SLC5A11: variants seen among roughly 807,000 people sequenced by gnomAD.
The protein encoded by SLC5A11 is sodium/myo-inositol cotransporter 2.
Under a neutral mutation model 69.8 loss-of-function variants are expected in SLC5A11, and 48 were observed. The ratio of observed to expected loss-of-function variants is 0.69; its 90% CI spans 0.55 to 0.87. The LOEUF (loss-of-function observed/expected upper bound fraction) is 0.87. Ranked by LOEUF, SLC5A11 falls within the 40% of genes least tolerant of loss-of-function variation. The probability of loss-of-function intolerance (pLI) is 0.00; values close to 1 mark genes in which losing one functional copy is unlikely to be tolerated. For missense variants in SLC5A11, 784 were observed against 866.1 expected (o/e 0.91, Z 1.19); for synonymous variants, 319 against 342.4 (o/e 0.93, Z 0.75).
chr16:24,894,299 C>A (rs2049004151), intron 9 of SLC5A11, among the ~76,000 whole-genome samples: 1 of 152,200 alleles, frequency 6.6e-6, no homozygotes, highest in African/African-American at 2.4e-5. Flanking sequence ...TCCACCATGA[C>A]AGCTCTCCCT....
At chr16:24,904,201 T>C (rs372500441) in intron 10 of SLC5A11, among the ~76,000 whole-genome samples, 8 of 152,260 alleles carry the variant, frequency 5.3e-5, no homozygotes, top group African/African-American at 1.4e-4. Flanking sequence ...CCTTGACATG[T>C]GGAGATTACA....
chr16:24,869,263 C>T (rs1597068450), intron 3 of SLC5A11, among the ~76,000 whole-genome samples: 1 of 152,064 alleles, frequency 6.6e-6, no homozygotes, highest in Admixed American at 6.6e-5. Context: ...CACTCCCTCA[C>T]CCCCAGCACA....
intron 8 of SLC5A11, among the ~76,000 whole-genome samples, chr16:24,889,945 T>A (rs1222381446): frequency 3.9e-5 from 6 of 152,140 alleles, no homozygotes; most frequent in African/African-American, 1.4e-4. Context: ...ATCCTATGTA[T>A]TTTTGCATTA....
At chr16:24,884,009 C>G in intron 7 of SLC5A11, 42 bp from the exon 9 acceptor site, 1 of 1,592,316 alleles carries the variant, frequency 6.3e-7, no homozygotes, top group African/African-American at 1.3e-5. Context: ...AACCCCTTCT[C>G]GTTAGACTCC....
At chr16:24,858,083 T>C (rs2059609869) in intron 1 of SLC5A11, among the ~76,000 whole-genome samples, 1 of 152,196 alleles carries the variant, frequency 6.6e-6, no homozygotes, top group Non-Finnish European at 1.5e-5. Flanking sequence ...ATGATAACAA[T>C]AGTGCCCACT....
At chr16:24,858,440 A>ATGAATGAG (rs2059624271) in intron 1 of SLC5A11, among the ~76,000 whole-genome samples, 180 bp from the exon 3 acceptor site, 1 of 152,146 alleles carries the variant, frequency 6.6e-6, no homozygotes, top group Non-Finnish European at 1.5e-5. Flanking sequence ...GAATGAATGA[A>ATGAATGAG]TGAGTGAGTG....
chr16:24,872,333 G>C, intron 5 of SLC5A11, 114 bp downstream of exon 6: 1 of 1,256,044 alleles, frequency 8.0e-7, no homozygotes, highest in Non-Finnish European at 1.2e-6. Flanking sequence ...TCATGTATTC[G>C]ATTGCCACTC....
chr16:24,886,626 CGAT>C (rs1266656109), intron 8 of SLC5A11, among the ~76,000 whole-genome samples: 8 of 152,042 alleles, frequency 5.3e-5, no homozygotes, highest in African/African-American at 1.9e-4. Context: ...TAGGCAAAAT[CGAT>C]GAACAAGATC....
In SLC5A11 at chr16:24,910,415, C is replaced by CCAG. The variant is rs140499762; in HGVS notation, c.1774_1776dup (p.Ser592dup). 1,659 of 1,613,694 alleles carry CCAG rather than the reference C, an allele frequency of 1.0e-3. 4 individuals are homozygous for CCAG. Among genetic ancestry groups the CCAG allele is most frequent in the Non-Finnish European group, 1.1e-3 (1,342 of 1,179,780 alleles). On this transcript the variant is annotated inframe_insertion, in exon 15 of 16. Coordinates refer to ENST00000347898, the Ensembl canonical transcript of SLC5A11. The stretch of plus-strand genomic sequence containing the variant: ...CTCTCTCAGAACGGGATGCCAGAGG[C>CCAG]CAGCAGCAGCAGCAGCGTCCAGTTC...
At chr16:24,905,502 G>T (rs1409112769) in intron 10 of SLC5A11, among the ~76,000 whole-genome samples, 1 of 151,950 alleles carries the variant, frequency 6.6e-6, no homozygotes, top group East Asian at 1.9e-4. Context: ...AGCTGGGTGT[G>T]ATGGTACATG....
intron 1 of SLC5A11, among the ~76,000 whole-genome samples, chr16:24,858,026 A>T (rs1264142580): frequency 6.6e-6 from 1 of 152,108 alleles, no homozygotes; most frequent in Non-Finnish European, 1.5e-5. Context: ...CACTTACTTA[A>T]CTTTTCTGTG....
intron 1 of SLC5A11, among the ~76,000 whole-genome samples, chr16:24,856,961 C>T (rs1271580223): frequency 6.6e-6 from 1 of 151,986 alleles, no homozygotes; most frequent in Non-Finnish European, 1.5e-5. Flanking sequence ...GCTGGGACTA[C>T]AGGCATGCGC....
chr16:24,869,572 C>A (rs2047142136), intron 3 of SLC5A11, among the ~76,000 whole-genome samples: 1 of 152,130 alleles, frequency 6.6e-6, no homozygotes, highest in South Asian at 2.1e-4. Context: ...CTGTCACCTT[C>A]TTTCCCGACC....
intron 10 of SLC5A11, among the ~76,000 whole-genome samples, chr16:24,904,887 G>A (rs530731091): frequency 4.6e-5 from 7 of 152,166 alleles, no homozygotes; most frequent in African/African-American, 1.4e-4. Context: ...CTGTCATCTA[G>A]GTTTTAAGCT....
At chr16:24,906,954 A>G in intron 11 of SLC5A11, 71 bp from the exon 13 acceptor site, 1 of 1,573,752 alleles carries the variant, frequency 6.4e-7, no homozygotes, top group South Asian at 1.2e-5. Context: ...TGCCTCCTCC[A>G]GTTGAGCCCA....
At chr16:24,854,481 G>A (rs928914399) in intron 1 of SLC5A11, among the ~76,000 whole-genome samples, 36 of 151,818 alleles carry the variant, frequency 2.4e-4, no homozygotes, top group African/African-American at 8.2e-4. Context: ...CCAGGCTGGA[G>A]TGCAGTGGCA....
At chr16:24,849,572 CAAAA>C (rs1182615959) in intron 1 of SLC5A11, among the ~76,000 whole-genome samples, 811 of 38,376 alleles carry the variant, frequency 0.021, 15 homozygotes, top group Middle Eastern at 0.1. Flanking sequence ...GCCTTGGGGG[CAAAA>C]AAAAAAAAAA....
At chr16:24,898,435 C>T (rs1012365411) in intron 10 of SLC5A11, among the ~76,000 whole-genome samples, 6 of 151,928 alleles carry the variant, frequency 3.9e-5, no homozygotes, top group African/African-American at 1.2e-4. Flanking sequence ...GTCTTGAACT[C>T]CTGGCCTCAA....
At chr16:24,875,696 C>G in exon 6 of SLC5A11, 1 of 1,614,022 alleles carries the variant, frequency 6.2e-7, no homozygotes, top group Non-Finnish European at 8.5e-7. Context: ...CCTGGCTGTA[C>G]TCTACCTATT....
Sources: allele counts gnomAD v4.1 joint callset (sites outside exome capture counted in the v4.1 genomes callset), GRCh38; gene constraint gnomAD v4.1.1; transcripts MANE v1.5; gene names NCBI Gene and HGNC (gene_info 2026-07-23, HGNC 2026-07-21).